CTSC: variants seen among roughly 807,000 people sequenced by gnomAD.
CTSC encodes the protein dipeptidyl peptidase 1.
In CTSC, 37 loss-of-function variants were observed where a neutral mutation model predicts 40.9. That is an observed-to-expected ratio of 0.91 (90% CI 0.70 to 1.19). CTSC has a LOEUF of 1.19. CTSC is among the 50% of genes most tolerant of loss of function. CTSC has a pLI of 0.00. For synonymous variants in CTSC, 232 were observed against 207.4 expected (o/e 1.12, Z -1.02); for missense variants, 594 against 567.3 (o/e 1.05, Z -0.48).
At chr11:88,335,428 G>T (rs217078) in intron 1 of CTSC, among the ~76,000 whole-genome samples, 119,054 of 152,090 alleles carry the variant, frequency 0.78, 46,882 homozygotes, top group East Asian at 1. Flanking sequence ...TTAAAAATTC[G>T]CTGGTTATGG....
chr11:88,306,815 T>A (rs919656478), intron 4 of CTSC, among the ~76,000 whole-genome samples: 5 of 152,198 alleles, frequency 3.3e-5, no homozygotes, highest in African/African-American at 1.2e-4. Flanking sequence ...ATGACCTGAT[T>A]AACACAAGCC....
At position 88,294,528 on chromosome 11, in the gene CTSC, A is replaced by G. The variant is rs561122855; in HGVS notation, c.890-20T>C. 7.4e-5 allele frequency: 119 copies of G among 1,613,592 alleles called. 1 individual carries two copies. The Middle Eastern group carries it at 9.9e-4, about 13-fold the overall frequency. Reference sequence around the variant, plus strand: ...CACAGCCTGAAGATGAATAACACACATGGTTACCCCTTAGTAGAAAAAGGA... The same window carrying G: ...CACAGCCTGAAGATGAATAACACACGTGGTTACCCCTTAGTAGAAAAAGGA... On this transcript the variant is annotated intron_variant, in intron 6 of 6. Transcript: ENST00000227266.
chr11:88,331,674 T>C (rs753569693), intron 2 of CTSC, among the ~76,000 whole-genome samples: 15 of 152,174 alleles, frequency 9.9e-5, no homozygotes, highest in Non-Finnish European at 1.5e-4. Context: ...TGGATAACCA[T>C]GTTAAAATAT....
chr11:88,312,767 A>C (rs1276548872), intron 2 of CTSC, among the ~76,000 whole-genome samples: 3 of 152,204 alleles, frequency 2.0e-5, no homozygotes, highest in Non-Finnish European at 2.9e-5. Flanking sequence ...TATATAACAA[A>C]ACACTTCCAG....
intron 2 of CTSC, among the ~76,000 whole-genome samples, chr11:88,313,960 C>T (rs1189454707): frequency 1.3e-5 from 2 of 152,092 alleles, no homozygotes; most frequent in African/African-American, 4.8e-5. Context: ...GCACAAAAGC[C>T]ATCAAAAGCA....
chr11:88,312,896 G>A (rs972360475), intron 2 of CTSC, among the ~76,000 whole-genome samples: 2 of 152,184 alleles, frequency 1.3e-5, no homozygotes, highest in Non-Finnish European at 2.9e-5. Context: ...AAGACTATGA[G>A]GATGCAGATG....
chr11:88,329,455 CAAAAAAAAAAAAAAAAAAA>C (rs34568364), intron 2 of CTSC, among the ~76,000 whole-genome samples: 4 of 67,870 alleles, frequency 5.9e-5, no homozygotes, highest in Non-Finnish European at 1.1e-4. Context: ...GACTCCATTT[CAAAAAAAAAAAAAAAAAAA>C]AAAAAAAAAG....
At chr11:88,331,352 C>T (rs1285233240) in intron 2 of CTSC, among the ~76,000 whole-genome samples, 2 of 152,282 alleles carry the variant, frequency 1.3e-5, no homozygotes, top group African/African-American at 2.4e-5. Context: ...TCCCATAACC[C>T]CCTCTTTGGG....
At chr11:88,316,501 A>AAATAAATAAATGAATGAATG (rs1211606419) in intron 2 of CTSC, among the ~76,000 whole-genome samples, 10 of 140,822 alleles carry the variant, frequency 7.1e-5, no homozygotes, top group African/African-American at 2.5e-4. Flanking sequence ...ATAAATAAAT[A>AAATAAATAAATGAATGAATG]AATGAAGCAG....
intron 2 of CTSC, chr11:88,326,372 G>A: frequency 6.2e-7 from 1 of 1,613,942 alleles, no homozygotes; most frequent in Non-Finnish European, 8.5e-7. Flanking sequence ...AGGCTGCTCT[G>A]TCTCTTAGCC....
At position 88,293,947 on chromosome 11, in the gene CTSC, A is replaced by G; in HGVS notation, c.*59T>C. ...GCTGCTGAAAGTCTACAGTCTGTGA[A>G]TATACCAATTCCCCTTTACAACTGA... On this transcript the variant is annotated 3_prime_UTR_variant, in exon 7 of 7. Transcript: ENST00000227266. 1.3e-6 allele frequency: 2 copies of G among 1,565,550 alleles called. No homozygotes were observed.
At chr11:88,335,744 G>C (rs1439878560) in intron 1 of CTSC, among the ~76,000 whole-genome samples, 2 of 152,168 alleles carry the variant, frequency 1.3e-5, no homozygotes, top group Admixed American at 1.3e-4. Context: ...AAGGCAAAAT[G>C]CTAGTCAAAA....
chr11:88,335,860 T>A (rs1397862003), intron 1 of CTSC, among the ~76,000 whole-genome samples: 3 of 152,156 alleles, frequency 2.0e-5, no homozygotes, highest in Non-Finnish European at 4.4e-5. Flanking sequence ...CACAAAATGA[T>A]CTATTCGGAG....
At chr11:88,307,279 C>A (rs1193158182) in intron 4 of CTSC, among the ~76,000 whole-genome samples, 5 of 152,166 alleles carry the variant, frequency 3.3e-5, no homozygotes, top group Admixed American at 3.3e-4. Context: ...TTCCTTACCC[C>A]TTAGTCACAT....
chr11:88,332,225 T>G (rs767806533), intron 2 of CTSC, among the ~76,000 whole-genome samples: 7 of 152,220 alleles, frequency 4.6e-5, no homozygotes, highest in Non-Finnish European at 1.0e-4. Context: ...ACTCTTTGAA[T>G]AGCAAATACT....
chr11:88,306,750 A>G (rs1937642429), intron 4 of CTSC, among the ~76,000 whole-genome samples: 1 of 152,254 alleles, frequency 6.6e-6, no homozygotes, highest in East Asian at 1.9e-4. Flanking sequence ...TACACTGAGC[A>G]AGAACTTAGG....
In CTSC at chr11:88,300,344, A is replaced by T. The variant is rs74325198; in HGVS notation, c.757+186T>A. On this transcript the variant is annotated intron_variant, in intron 5 of 6. Coordinates refer to ENST00000227266, the MANE Select transcript of CTSC (RefSeq NM_001814.6). The stretch of plus-strand genomic sequence containing the variant: ...AATGCTAAGCTCAGTAGAAAAGAAA[A>T]TTTTTTACTAAAGTTTGTCATGGAT... Among the ~76,000 whole-genome samples, 16,096 of 152,220 alleles carry T rather than the reference A, an allele frequency of 0.11. 1,160 individuals carry two copies. The highest frequency in any genetic ancestry group is 0.37 in the East Asian group (1,915 of 5,180).
At chr11:88,325,605 C>G (rs1277993880) in intron 2 of CTSC, 1 of 984,886 alleles carries the variant, frequency 1.0e-6, no homozygotes. Context: ...TTTTCTCTAT[C>G]TATAAAATGA....
At position 88,293,650 on chromosome 11, in the gene CTSC, T is replaced by C; in HGVS notation, c.*356A>G. 8.2e-6 allele frequency: 2 copies of C among 244,046 alleles called. No individual in the cohort carries two copies. The highest frequency in any genetic ancestry group is 1.2e-4 in the South Asian group (2 of 16,690). The allele number at this position is 244,046 out of a possible 1,614,324, so 15.1% of individuals were successfully genotyped here. ...TGAGCATCTATTTTAAAAGTTTTGA[T>C]AATTATTGCCATTATTTTCTTGTGA... On this transcript the variant is annotated 3_prime_UTR_variant, in exon 7 of 7. Coordinates refer to ENST00000227266, the MANE Select transcript of CTSC (RefSeq NM_001814.6).
Sources: allele counts gnomAD v4.1 joint callset (sites outside exome capture counted in the v4.1 genomes callset), GRCh38; gene constraint gnomAD v4.1.1; transcripts MANE v1.5; gene names NCBI Gene and HGNC (gene_info 2026-07-23, HGNC 2026-07-21).